The following DYNLL2 variants were observed in gnomAD, a reference collection of about 807,000 sequenced individuals.
The protein encoded by DYNLL2 is dynein light chain 2, cytoplasmic.
DYNLL2 carries 1 observed loss-of-function variant against 9.7 expected under a neutral mutation model. That is an observed-to-expected ratio of 0.10 (90% confidence interval 0.04 to 0.49). The LOEUF (loss-of-function observed/expected upper bound fraction) is 0.49. DYNLL2 is among the 20% of genes least tolerant of loss of function. DYNLL2 has a pLI of 0.95. For missense variants in DYNLL2, 37 were observed against 115.2 expected (o/e 0.32, Z 3.11); for synonymous variants, 35 against 40.5 (o/e 0.86, Z 0.52).
chr17:58,086,980 C>G, intron 1 of DYNLL2, 102 bp from the exon 2 acceptor site: 5 of 1,428,416 alleles, frequency 3.5e-6, no homozygotes, highest in Non-Finnish European at 4.8e-6. Context: ...GTTGCCCTCA[C>G]CTTCTATACT....
rs2075788079 is a variant in DYNLL2 at position 58,093,636 on chromosome 17, TG to T, written c.*4361del. On this transcript the variant is annotated 3_prime_UTR_variant, in exon 3 of 3. Coordinates refer to ENST00000579991, the MANE Select transcript of DYNLL2 (RefSeq NM_080677.3). Reference sequence around the variant, plus strand: ...AGTGAATCCCTGATGTTCCCTCTCTTGGGGCTCTGGTTTAGCAAGGACAGCG... The same window carrying T: ...AGTGAATCCCTGATGTTCCCTCTCTTGGGCTCTGGTTTAGCAAGGACAGCG... 6.6e-6 allele frequency: 1 copy of T among 152,198 alleles called. No homozygotes were observed. Among genetic ancestry groups the T allele is most frequent in the Non-Finnish European group, 1.5e-5 (1 of 68,068 alleles). The allele number at this position is 152,198 out of a possible 1,614,324, so 9.4% of individuals were successfully genotyped here.
At position 58,093,839 on chromosome 17, in the gene DYNLL2, C is replaced by A. The variant is rs1432961785; in HGVS notation, c.*4560C>A. 1 of 151,530 alleles carries A rather than the reference C, an allele frequency of 6.6e-6. No individual in the cohort carries two copies. 9.4% of individuals were successfully genotyped at this position (151,530 alleles called of 1,614,324 possible). A position where few individuals can be genotyped will look rare whatever the true frequency, so the allele number is the denominator to read the frequency against. On this transcript the variant is annotated 3_prime_UTR_variant, in exon 3 of 3. Transcript: ENST00000579991. ...AACAAAAAGCATAGCCCCTTCACTA[C>A]CCTAGTAACAAGTATGACCTGTTGC...
Position 58,087,341 on chromosome 17 carries a change from C to G in DYNLL2, c.132+119C>G, listed in dbSNP as rs2075763824. ...CCGTATATCCTGTGCAAGCAAAACC[C>G]TAGGAACTTGCAAAGCAGACAAACT... On this transcript the variant is annotated intron_variant, in intron 2 of 2. Coordinates refer to ENST00000579991, the MANE Select transcript of DYNLL2 (RefSeq NM_080677.3). 2.2e-5 allele frequency: 31 copies of G among 1,409,398 alleles called. 2 individuals carry two copies. The Admixed American group carries it at 6.4e-4, about 29-fold the overall frequency. The allele number at this position is 1,409,398 out of a possible 1,614,324, so 87.3% of individuals were successfully genotyped here.
intron 1 of DYNLL2, among the ~76,000 whole-genome samples, chr17:58,085,328 G>T (rs1321331991): frequency 6.6e-6 from 1 of 152,186 alleles, no homozygotes; most frequent in Non-Finnish European, 1.5e-5. Context: ...TGGTGGTGGT[G>T]AGTTCTGTTT....
rs2075786775 is a variant in DYNLL2, at chr17:58,093,256, C to G, written c.*3977C>G. On this transcript the variant is annotated 3_prime_UTR_variant, in exon 3 of 3. Transcript: ENST00000579991. ...GCACGGCTCTCCTTGCTGCCCAAGC[C>G]TTGCCACCTTGAAAGGCGTGAGAGG... 6.6e-6 allele frequency: 1 copy of G among 152,230 alleles called. No homozygotes were observed. The highest frequency in any genetic ancestry group is 6.5e-5 in the Admixed American group (1 of 15,288). 9.4% of individuals were successfully genotyped at this position (152,230 alleles called of 1,614,324 possible).
chr17:58,089,780 G>C lies in DYNLL2; in HGVS notation c.*501G>C. The C allele has an allele frequency of 2.5e-6, 1 of 400,648 alleles. No individual in the cohort carries two copies. 24.8% of individuals were successfully genotyped at this position (400,648 alleles called of 1,614,324 possible). A position where few individuals can be genotyped will look rare whatever the true frequency, so the allele number is the denominator to read the frequency against. On this transcript the variant is annotated 3_prime_UTR_variant, in exon 3 of 3. Coordinates refer to ENST00000579991, the MANE Select transcript of DYNLL2 (RefSeq NM_080677.3). ...AAAGGGGTAGGAAGGAAGGTGGAGGGATTGATCTAGTACCAGGGAGAATAT... is the reference window on the plus strand; with the variant it reads ...AAAGGGGTAGGAAGGAAGGTGGAGGCATTGATCTAGTACCAGGGAGAATAT...
Position 58,094,201 on chromosome 17 carries a change from C to T in DYNLL2, c.*4922C>T, listed in dbSNP as rs1434785553. Reference sequence around the variant, plus strand: ...AGTCGAATCTCAGCTCCAACACCCACTGGATGAACGTGGACAAGCTGCTTG... The same window carrying T: ...AGTCGAATCTCAGCTCCAACACCCATTGGATGAACGTGGACAAGCTGCTTG... On this transcript the variant is annotated 3_prime_UTR_variant, in exon 3 of 3. Coordinates refer to ENST00000579991, the MANE Select transcript of DYNLL2 (RefSeq NM_080677.3). 6.6e-6 allele frequency: 1 copy of T among 152,172 alleles called. No individual in the cohort carries two copies. The highest frequency in any genetic ancestry group is 1.5e-5 in the Non-Finnish European group (1 of 68,036). The allele number at this position is 152,172 out of a possible 1,614,324, so 9.4% of individuals were successfully genotyped here. A position where few individuals can be genotyped will look rare whatever the true frequency, so the allele number is the denominator to read the frequency against.
Position 58,090,179 on chromosome 17 carries a change from G to A in DYNLL2, c.*900G>A, listed in dbSNP as rs904175694. 1 of 352,228 alleles carries A rather than the reference G, an allele frequency of 2.8e-6. No homozygotes were observed. The highest frequency in any genetic ancestry group is 5.1e-6 in the Non-Finnish European group (1 of 197,130). The allele number at this position is 352,228 out of a possible 1,614,324, so 21.8% of individuals were successfully genotyped here. ...ACTGTAGTTCCTTAGTTAGGTCTTA[G>A]CAATCAAACCAAATTGATGTCTCCC... On this transcript the variant is annotated 3_prime_UTR_variant, in exon 3 of 3. Transcript: ENST00000579991.
rs2075773958 is a variant in DYNLL2 at position 58,089,882 on chromosome 17, TTGTC to T, written c.*607_*610del. 7.5e-6 allele frequency: 3 copies of T among 398,424 alleles called. No individual in the cohort carries two copies. The highest frequency in any genetic ancestry group is 2.5e-4 in the South Asian group (2 of 7,844). The allele number at this position is 398,424 out of a possible 1,614,324, so 24.7% of individuals were successfully genotyped here. A position where few individuals can be genotyped will look rare whatever the true frequency, so the allele number is the denominator to read the frequency against. On this transcript the variant is annotated 3_prime_UTR_variant, in exon 3 of 3. Transcript: ENST00000579991. ...CTTCTTTAGGGGCCCTGAGATGTGT[TTGTC>T]TGTGGTGTGTGGGAGTGGGGAGCAG...
chr17:58,091,127 ATC>A lies in DYNLL2; in HGVS notation c.*1853_*1854del, dbSNP rs926234106. On this transcript the variant is annotated 3_prime_UTR_variant, in exon 3 of 3. Transcript: ENST00000579991. Reference sequence around the variant, plus strand: ...AGTTGAAAGTGTCTGGTTTGTGTTCATCTCTCCCTCATTTCTGGAGCAGGGCC... The same window carrying A: ...AGTTGAAAGTGTCTGGTTTGTGTTCATCTCCCTCATTTCTGGAGCAGGGCC... 2 of 151,828 alleles carry A rather than the reference ATC, an allele frequency of 1.3e-5. No individual in the cohort carries two copies. The highest frequency in any genetic ancestry group is 4.8e-5 in the African/African-American group (2 of 41,240). 9.4% of individuals were successfully genotyped at this position (151,828 alleles called of 1,614,324 possible). A position where few individuals can be genotyped will look rare whatever the true frequency, so the allele number is the denominator to read the frequency against.
chr17:58,089,364 T>A lies in DYNLL2; in HGVS notation c.*85T>A. The A allele has an allele frequency of 6.5e-7, 1 of 1,529,168 alleles. No homozygotes were observed. 94.7% of individuals were successfully genotyped at this position (1,529,168 alleles called of 1,614,324 possible). On this transcript the variant is annotated 3_prime_UTR_variant, in exon 3 of 3. Transcript: ENST00000579991. ...GGACTGTTTTGCACTGGAGCCAGCA[T>A]CAGGATGTCCTCTCCAATGGCTGTG...
rs146307541 is a variant in DYNLL2, at chr17:58,089,213, C to T, written c.204C>T (p.His68=). ...GAAATTTTGGCAGCTACGTCACACA[C>T]GAGACAAAGCACTTCATCTATTTTT... ...VGRNFGSYVT[H]ETKHFIYFYL... The change falls in exon 3 of 3, where the codon CAC becomes CAT. Residue 68 remains histidine (H), a synonymous_variant. Coordinates refer to ENST00000579991, the MANE Select transcript of DYNLL2 (RefSeq NM_080677.3). 173 of 1,614,078 alleles carry T rather than the reference C, an allele frequency of 1.1e-4. No homozygotes were observed. The highest frequency in any genetic ancestry group is 3.3e-4 in the Middle Eastern group (2 of 6,060).
At position 58,083,473 on chromosome 17, in the gene DYNLL2, GGGCGGCGTGA is replaced by G. The variant is rs2075743124; in HGVS notation, c.-214_-205del. On this transcript the variant is annotated 5_prime_UTR_variant, in exon 1 of 3. Transcript: ENST00000579991. ...GCCAGTGCGGAGCGGGCGGGCGGGC[GGGCGGCGTGA>G]GGCGGAGCGCGGGCGGCCGGCGAAA... The G allele has an allele frequency of 3.3e-5, 5 of 149,908 alleles. No homozygotes were observed. The highest frequency in any genetic ancestry group is 2.7e-4 in the Admixed American group (4 of 14,968). 9.3% of individuals were successfully genotyped at this position (149,908 alleles called of 1,614,324 possible). A position where few individuals can be genotyped will look rare whatever the true frequency, so the allele number is the denominator to read the frequency against.
intron 1 of DYNLL2, among the ~76,000 whole-genome samples, chr17:58,086,094 G>A (rs2075758940): frequency 6.6e-6 from 1 of 152,160 alleles, no homozygotes; most frequent in South Asian, 2.1e-4. Context: ...TGTCCTGTGT[G>A]ACCGACCAGC....
In DYNLL2 at chr17:58,092,576, C is replaced by T. The variant is rs1003293342; in HGVS notation, c.*3297C>T. ...CTGTGCCCATAGGAGCATCAATATC[C>T]CTGCTCCTTGTATCCTGTTCTCCAG... On this transcript the variant is annotated 3_prime_UTR_variant, in exon 3 of 3. Transcript: ENST00000579991. 3.3e-5 allele frequency: 5 copies of T among 152,218 alleles called. No homozygotes were observed. The highest frequency in any genetic ancestry group is 7.3e-5 in the Non-Finnish European group (5 of 68,056). The allele number at this position is 152,218 out of a possible 1,614,324, so 9.4% of individuals were successfully genotyped here. A position where few individuals can be genotyped will look rare whatever the true frequency, so the allele number is the denominator to read the frequency against.
At chr17:58,085,198 T>C (rs2075755248) in intron 1 of DYNLL2, among the ~76,000 whole-genome samples, 1 of 152,138 alleles carries the variant, frequency 6.6e-6, no homozygotes, top group Admixed American at 6.5e-5. Flanking sequence ...TCTGCCGAAG[T>C]GGAACCAGCC....
rs543849978 is a variant in DYNLL2, at chr17:58,089,730, G to A, written c.*451G>A. ...TGGGAGGGCCAGGGAGGCTGCAGGG[G>A]GACAGTGTTGGGATTGTCAAGGAAA... On this transcript the variant is annotated 3_prime_UTR_variant, in exon 3 of 3. Transcript: ENST00000579991. 76 of 406,080 alleles carry A rather than the reference G, an allele frequency of 1.9e-4. 1 individual carries two copies. Among genetic ancestry groups the A allele is most frequent in the African/African-American group, 1.4e-3 (70 of 48,786 alleles). The allele number at this position is 406,080 out of a possible 1,614,324, so 25.2% of individuals were successfully genotyped here.
In DYNLL2 at chr17:58,092,120, G is replaced by T. The variant is rs2075782316; in HGVS notation, c.*2841G>T. ...CCTCCAGTTAGGAAGGTGGTTGGCT[G>T]ATCTTGGGGAGAAGTTCTACCTCTG... On this transcript the variant is annotated 3_prime_UTR_variant, in exon 3 of 3. Transcript: ENST00000579991. 6.6e-6 allele frequency: 1 copy of T among 152,370 alleles called. No individual in the cohort carries two copies. Among genetic ancestry groups the T allele is most frequent in the Non-Finnish European group, 1.5e-5 (1 of 68,058 alleles). The allele number at this position is 152,370 out of a possible 1,614,324, so 9.4% of individuals were successfully genotyped here. A position where few individuals can be genotyped will look rare whatever the true frequency, so the allele number is the denominator to read the frequency against.
At position 58,094,564 on chromosome 17, in the gene DYNLL2, T is replaced by A. The variant is rs2075791454; in HGVS notation, c.*5285T>A. ...TCCCAGGCCAGGTTTGATTTTGATTTGCAGTGGCAGAGAGGACTAATTTTT... is the reference window on the plus strand; with the variant it reads ...TCCCAGGCCAGGTTTGATTTTGATTAGCAGTGGCAGAGAGGACTAATTTTT... On this transcript the variant is annotated 3_prime_UTR_variant, in exon 3 of 3. Coordinates refer to ENST00000579991, the MANE Select transcript of DYNLL2 (RefSeq NM_080677.3). The A allele has an allele frequency of 6.6e-6, 1 of 152,242 alleles. No individual in the cohort carries two copies. The highest frequency in any genetic ancestry group is 6.5e-5 in the Admixed American group (1 of 15,284). The allele number at this position is 152,242 out of a possible 1,614,324, so 9.4% of individuals were successfully genotyped here. A position where few individuals can be genotyped will look rare whatever the true frequency, so the allele number is the denominator to read the frequency against.
Sources: gnomAD v4.1 joint callset for allele counts (sites outside exome capture counted in the v4.1 genomes callset) on GRCh38, gnomAD v4.1.1 for gene constraint, MANE v1.5 for transcripts, NCBI Gene and HGNC (gene_info 2026-07-23, HGNC 2026-07-21) for gene names.